The following LRRC4C variants were observed in gnomAD, a reference collection of about 807,000 sequenced individuals.
The protein encoded by LRRC4C is leucine rich repeat containing 4C, also known as leucine-rich repeat-containing protein 4C.
A neutral mutation model predicts 33.6 loss-of-function variants in LRRC4C; 5 were observed. The observed-to-expected ratio is 0.15, with a 90% CI of 0.08 to 0.31. The LOEUF (loss-of-function observed/expected upper bound fraction) is 0.31. Ranked by LOEUF, LRRC4C falls within the 10% of genes least tolerant of loss-of-function variation. The pLI is 1.00. For synonymous variants in LRRC4C, 329 were observed against 302.0 expected (o/e 1.09, Z -0.93); for missense variants, 560 against 796.7 (o/e 0.70, Z 3.58).
At chr11:40,366,142 C>T (rs555989114) in intron 3 of LRRC4C, among the ~76,000 whole-genome samples, 5 of 152,028 alleles carry the variant, frequency 3.3e-5, no homozygotes, top group Admixed American at 2.0e-4. Context: ...AGGTCATTTC[C>T]AGTTATAAAC....
At chr11:40,583,169 G>T (rs1396848700) in intron 3 of LRRC4C, among the ~76,000 whole-genome samples, 1 of 151,794 alleles carries the variant, frequency 6.6e-6, no homozygotes, top group African/African-American at 2.4e-5. Context: ...CCGTTCTCGG[G>T]TGACCACATG....
At chr11:41,336,764 C>T (rs1342103394) in intron 1 of LRRC4C, among the ~76,000 whole-genome samples, 2 of 152,188 alleles carry the variant, frequency 1.3e-5, no homozygotes, top group Admixed American at 6.5e-5. Flanking sequence ...AGGTATAGGA[C>T]AAGCAAGAAG....
At chr11:40,409,153 C>T (rs2137619405) in intron 3 of LRRC4C, among the ~76,000 whole-genome samples, 1 of 151,986 alleles carries the variant, frequency 6.6e-6, no homozygotes, top group South Asian at 2.1e-4. Context: ...TAAGGGAAGA[C>T]ATTTTCTTAA....
At chr11:41,325,577 TTGTGTGTG>T (rs71466928) in intron 1 of LRRC4C, among the ~76,000 whole-genome samples, 1 of 104,160 alleles carries the variant, frequency 9.6e-6, no homozygotes, top group East Asian at 3.7e-4. Flanking sequence ...TTTTTTTTTT[TTGTGTGTG>T]TGTGTGTGTG....
rs962785938 is a variant in LRRC4C at position 40,771,883 on chromosome 11, C to T, written c.-406-123605G>A. On this transcript the variant is annotated intron_variant, in intron 2 of 6. Coordinates refer to ENST00000528697, the MANE Select transcript of LRRC4C (RefSeq NM_001258419.2). The stretch of plus-strand genomic sequence containing the variant: ...CTCTAGGAAGTTCCAAACTTTCTCA[C>T]ATCTTTCTGTCTTCTGAGCCCTCTA... 2.6e-5 allele frequency among the ~76,000 whole-genome samples: 4 copies of T among 152,140 alleles called. No homozygotes were observed. In the East Asian group the frequency reaches 7.7e-4, roughly 29 times the overall value.
At chr11:40,868,939 A>G (rs1432940780) in intron 2 of LRRC4C, among the ~76,000 whole-genome samples, 1 of 152,144 alleles carries the variant, frequency 6.6e-6, no homozygotes, top group Non-Finnish European at 1.5e-5. Flanking sequence ...CAGAGACACG[A>G]CATTTATTTT....
intron 2 of LRRC4C, among the ~76,000 whole-genome samples, chr11:40,846,477 C>CAGAT (rs1953179422): frequency 6.6e-6 from 1 of 152,106 alleles, no homozygotes; most frequent in Admixed American, 6.6e-5. Context: ...TGTCAAGGAT[C>CAGAT]AGATGGTTGT....
intron 5 of LRRC4C, among the ~76,000 whole-genome samples, chr11:40,159,022 A>C (rs11035719): frequency 0.1 from 15,658 of 152,160 alleles, 907 homozygotes; most frequent in South Asian, 0.19. Flanking sequence ...GGAATTGGAC[A>C]GATAGTGGAG....
intron 1 of LRRC4C, among the ~76,000 whole-genome samples, chr11:41,097,828 G>A (rs1372468245): frequency 6.6e-6 from 1 of 151,978 alleles, no homozygotes; most frequent in African/African-American, 2.4e-5. Flanking sequence ...ACCACTGTAC[G>A]TACCAGCAGC....
intron 1 of LRRC4C, among the ~76,000 whole-genome samples, chr11:40,967,408 A>G (rs1324135447): frequency 1.3e-5 from 2 of 152,008 alleles, no homozygotes; most frequent in Admixed American, 1.3e-4. Flanking sequence ...TCCAGGCACA[A>G]TTCATTTTAT....
intron 2 of LRRC4C, among the ~76,000 whole-genome samples, chr11:40,891,940 C>A (rs910462485): frequency 1.3e-5 from 2 of 151,818 alleles, no homozygotes; most frequent in Non-Finnish European, 2.9e-5. Flanking sequence ...TCGAGACCAT[C>A]CTGGCTAACA....
At chr11:40,863,266 A>G (rs369325529) in intron 2 of LRRC4C, among the ~76,000 whole-genome samples, 2 of 152,200 alleles carry the variant, frequency 1.3e-5, no homozygotes, top group East Asian at 3.9e-4. Flanking sequence ...TGATGTTTCC[A>G]CACACTCAGA....
chr11:40,484,349 T>C (rs1015223780), intron 3 of LRRC4C, among the ~76,000 whole-genome samples: 4 of 152,018 alleles, frequency 2.6e-5, no homozygotes, highest in African/African-American at 9.7e-5. Context: ...CAATGGAGTA[T>C]TATGGCATCC....
intron 5 of LRRC4C, among the ~76,000 whole-genome samples, chr11:40,204,252 C>G (rs1185979017): frequency 6.7e-6 from 1 of 148,444 alleles, no homozygotes; most frequent in African/African-American, 2.5e-5. Context: ...TAATGGTGAT[C>G]CTTTCAGACC....
At chr11:41,122,113 A>G (rs544824728) in intron 1 of LRRC4C, among the ~76,000 whole-genome samples, 42 of 152,304 alleles carry the variant, frequency 2.8e-4, no homozygotes, top group Non-Finnish European at 4.9e-4. Flanking sequence ...AAAAATATAT[A>G]TAAAAAAACC....
At chr11:41,170,022 A>G (rs1944901840) in intron 1 of LRRC4C, among the ~76,000 whole-genome samples, 1 of 152,170 alleles carries the variant, frequency 6.6e-6, no homozygotes, top group East Asian at 1.9e-4. Flanking sequence ...TTGTTGAAAC[A>G]ATGTGATGAA....
At position 40,840,127 on chromosome 11, in the gene LRRC4C, A is replaced by T. The variant is rs187039109; in HGVS notation, c.-407+93508T>A. Among the ~76,000 whole-genome samples the T allele has an allele frequency of 4.2e-3, 647 of 152,316 alleles. 3 individuals carry two copies. The highest frequency in any genetic ancestry group is 7.7e-3 in the Non-Finnish European group (524 of 68,020). ...AACTTCTATCGACTACCTAAAGTGC[A>T]GATAGGATCCATAACACTTCATGAT... On this transcript the variant is annotated intron_variant, in intron 2 of 6. Coordinates refer to ENST00000528697, the MANE Select transcript of LRRC4C (RefSeq NM_001258419.2).
intron 1 of LRRC4C, among the ~76,000 whole-genome samples, chr11:41,255,921 C>T (rs1243610458): frequency 6.6e-6 from 1 of 151,892 alleles, no homozygotes. Context: ...TCTTTCTCAA[C>T]CACAAGAAGC....
chr11:40,295,075 T>C (rs895958003), intron 4 of LRRC4C, among the ~76,000 whole-genome samples: 2 of 152,178 alleles, frequency 1.3e-5, no homozygotes, highest in Non-Finnish European at 2.9e-5. Flanking sequence ...TGCTCCAGGA[T>C]GTGGACTTTT....
Sources: gnomAD v4.1 joint callset for allele counts (sites outside exome capture counted in the v4.1 genomes callset) on GRCh38, gnomAD v4.1.1 for gene constraint, MANE v1.5 for transcripts, NCBI Gene and HGNC (gene_info 2026-07-23, HGNC 2026-07-21) for gene names.